The following ZNF773 variants were observed in gnomAD, a reference collection of about 807,000 sequenced individuals.
The protein encoded by ZNF773 is zinc finger protein 773, also known as zinc finger protein 419B.
In ZNF773, 11 loss-of-function variants were observed where a neutral mutation model predicts 12.8. The observed-to-expected ratio is 0.86, with a 90% CI of 0.54 to 1.42. The LOEUF (loss-of-function observed/expected upper bound fraction) is 1.42. Ranked by LOEUF, ZNF773 falls within the 40% of genes most tolerant of loss-of-function variation. ZNF773 has a pLI of 0.00. For synonymous variants in ZNF773, 175 were observed against 178.4 expected, an observed-to-expected ratio of 0.98 and a Z score of 0.15; for missense variants, 518 against 527.2, an observed-to-expected ratio of 0.98 and a Z score of 0.17.
At chr19:57,502,223 T>C (rs2123246989) in intron 1 of ZNF773, among the ~76,000 whole-genome samples, 1 of 152,298 alleles carries the variant, frequency 6.6e-6, no homozygotes, top group South Asian at 2.1e-4. Flanking sequence ...ATTATAGACA[T>C]GAGCCATCAC....
intron 1 of ZNF773, among the ~76,000 whole-genome samples, chr19:57,501,761 A>G (rs2089672964): frequency 6.6e-6 from 1 of 152,138 alleles, no homozygotes; most frequent in Non-Finnish European, 1.5e-5. Flanking sequence ...AGTTAGTTAT[A>G]GACCATGAGA....
chr19:57,513,474 C>A (rs68111079), downstream of ZNF773: 31,744 of 154,178 alleles, frequency 0.21, 3,361 homozygotes, highest in African/African-American at 0.25. Context: ...TCAGAGCAGA[C>A]AAGGCTTAGG....
chr19:57,509,177 A>G (rs1298008219), downstream of ZNF773, among the ~76,000 whole-genome samples: 5 of 152,146 alleles, frequency 3.3e-5, no homozygotes, highest in Admixed American at 2.0e-4. Flanking sequence ...TCCATTTGTT[A>G]TCTTATTCCT....
At position 57,507,061 on chromosome 19, in the gene ZNF773, G is replaced by A; in HGVS notation, c.966G>A (p.Gln322=). The A allele has an allele frequency of 6.2e-7, 1 of 1,613,862 alleles. No individual in the cohort carries two copies. Among genetic ancestry groups the A allele is most frequent in the Non-Finnish European group, 8.5e-7 (1 of 1,179,934 alleles). The change falls in exon 4 of 4, where the codon CAG becomes CAA. Residue 322 remains glutamine (Q), a synonymous_variant. Coordinates refer to ENST00000282292, the MANE Select transcript of ZNF773 (RefSeq NM_198542.3). ...TCAACTCCAGCCTCATGAAACATCA[G>A]AGAGTTCACACTGGAGAAAGACCTT... The part of the protein sequence containing the change: ...FSFNSSLMKH[Q]RVHTGERPYK...
In ZNF773 at chr19:57,507,913, C is replaced by T. The variant is rs1321575216; in HGVS notation, c.*489C>T. ...GCATGAACCTAGGAGGCAGAGTTTG[C>T]GGTGAGCTGAGATCACGCCACTGCA... is the stretch of plus-strand genomic sequence containing the variant. On this transcript the variant is annotated 3_prime_UTR_variant, in exon 4 of 4. Coordinates refer to ENST00000282292, the MANE Select transcript of ZNF773 (RefSeq NM_198542.3). 4 of 181,096 alleles carry T rather than the reference C, an allele frequency of 2.2e-5. No individual in the cohort carries two copies. The highest frequency in any genetic ancestry group is 7.4e-5 in the African/African-American group (3 of 40,402). 11.2% of individuals were successfully genotyped at this position (181,096 alleles called of 1,614,324 possible).
Position 57,507,567 on chromosome 19 carries a change from C to T in ZNF773, c.*143C>T. On this transcript the variant is annotated 3_prime_UTR_variant, in exon 4 of 4. Transcript: ENST00000282292. Reference sequence around the variant, plus strand: ...AACACTGGACAGTTCACAGAGTGGACAATGTAGTGAATATGGTAAAAGGCC... The same window carrying T: ...AACACTGGACAGTTCACAGAGTGGATAATGTAGTGAATATGGTAAAAGGCC... 1.4e-6 allele frequency: 2 copies of T among 1,440,078 alleles called. No homozygotes were observed. The highest frequency in any genetic ancestry group is 3.1e-5 in the South Asian group (2 of 64,596). The allele number at this position is 1,440,078 out of a possible 1,614,324, so 89.2% of individuals were successfully genotyped here. A position where few individuals can be genotyped will look rare whatever the true frequency, so the allele number is the denominator to read the frequency against.
At chr19:57,513,300 G>T, downstream of ZNF773, 1 of 356,154 alleles carries the variant, frequency 2.8e-6, no homozygotes, top group Non-Finnish European at 4.9e-6. Flanking sequence ...TCAAACACTA[G>T]CTAAGCTGCT....
At position 57,501,495 on chromosome 19, in the gene ZNF773, T is replaced by C. The variant is rs537493664; in HGVS notation, c.33+1382T>C. Among the ~76,000 whole-genome samples, 4 of 152,260 alleles carry C rather than the reference T, an allele frequency of 2.6e-5. No individual in the cohort carries two copies. In the South Asian group the frequency reaches 8.3e-4, roughly 32 times the overall value. ...TAGTCCTAGACACATAAGAATGAGT[T>C]TGATACAAACAATAGTCCTATTGAG... On this transcript the variant is annotated intron_variant, in intron 1 of 3. Transcript: ENST00000282292.
At chr19:57,504,236 G>A (rs931202426) in intron 1 of ZNF773, among the ~76,000 whole-genome samples, 3 of 152,148 alleles carry the variant, frequency 2.0e-5, no homozygotes, top group African/African-American at 2.4e-5. Context: ...ATGTGGTGAC[G>A]CTAGGGGAGG....
chr19:57,507,713 C>A lies in ZNF773; in HGVS notation c.*289C>A, dbSNP rs534032686. ...AAACAGCCAGGCGTGGTGGCTGACA[C>A]CTGTTATTCTCACCACTTTGGGAGG... is the stretch of plus-strand genomic sequence containing the variant. On this transcript the variant is annotated 3_prime_UTR_variant, in exon 4 of 4. Coordinates refer to ENST00000282292, the MANE Select transcript of ZNF773 (RefSeq NM_198542.3). 69 of 1,192,660 alleles carry A rather than the reference C, an allele frequency of 5.8e-5. No homozygotes were observed. The East Asian group carries it at 2.6e-3, about 44-fold the overall frequency. The allele number at this position is 1,192,660 out of a possible 1,614,324, so 73.9% of individuals were successfully genotyped here.
At chr19:57,512,960 T>C (rs7254526), downstream of ZNF773, 289,683 of 1,479,832 alleles carry the variant, frequency 0.2, 29,014 homozygotes, top group African/African-American at 0.25. Flanking sequence ...AGGAGCCCTC[T>C]GACCCCTTCT....
chr19:57,501,406 C>G (rs1221637482), intron 1 of ZNF773, among the ~76,000 whole-genome samples: 1 of 151,618 alleles, frequency 6.6e-6, no homozygotes, highest in Non-Finnish European at 1.5e-5. Flanking sequence ...GAAAACCTAC[C>G]AGTTTATTTG....
downstream of ZNF773, among the ~76,000 whole-genome samples, chr19:57,511,526 A>G (rs113304225): frequency 2.6e-5 from 4 of 152,286 alleles, no homozygotes; most frequent in Admixed American, 2.6e-4. Flanking sequence ...TCTTTTCAAC[A>G]AAGTTGCAAA....
At chr19:57,511,540 A>G (rs149303102), downstream of ZNF773, among the ~76,000 whole-genome samples, 798 of 152,336 alleles carry the variant, frequency 5.2e-3, 3 homozygotes, top group Middle Eastern at 6.8e-3. Flanking sequence ...TTGCAAAAGT[A>G]GTAAAACAAC....
rs996288259 is a variant in ZNF773 at position 57,507,098 on chromosome 19, G to A, written c.1003G>A (p.Glu335Lys). ...TGGAGAAAGACCTTATAAGTGCAGT[G>A]AATGTGGAAAATTCTATAGCCACAA... ...HTGERPYKCS[E>K]CGKFYSHKSS... is the part of the protein sequence containing the mutation. The change falls in exon 4 of 4, where the codon GAA (glutamate) becomes AAA (lysine). Residue 335 changes from glutamate to lysine, a missense_variant. Glu to Lys is a moderately conservative substitution (Grantham distance 56, BLOSUM62 1). Transcript: ENST00000282292. 1 of 1,614,024 alleles carries A rather than the reference G, an allele frequency of 6.2e-7. No individual in the cohort carries two copies. Among genetic ancestry groups the A allele is most frequent in the African/African-American group, 1.3e-5 (1 of 74,910 alleles).
intron 3 of ZNF773, 143 bp downstream of exon 3, chr19:57,505,543 A>C: frequency 1.0e-6 from 1 of 966,796 alleles, no homozygotes; most frequent in Non-Finnish European, 1.7e-6. Flanking sequence ...TCAGTCACCC[A>C]TTTATATCTA....
downstream of ZNF773, chr19:57,514,030 C>T (rs1279003724): frequency 6.6e-6 from 1 of 152,262 alleles, no homozygotes; most frequent in Non-Finnish European, 1.5e-5. Context: ...AACAGTCCTA[C>T]ATTATATCAG....
At chr19:57,504,329 C>T (rs2089702590) in intron 1 of ZNF773, among the ~76,000 whole-genome samples, 1 of 152,084 alleles carries the variant, frequency 6.6e-6, no homozygotes. Context: ...TCCCCAGGGA[C>T]CTTGTATTGG....
downstream of ZNF773, chr19:57,508,693 A>G (rs1027844874): frequency 1.9e-5 from 11 of 590,294 alleles, no homozygotes; most frequent in Admixed American, 2.5e-4. Flanking sequence ...GTTTACATGT[A>G]TGGAAGTCAT....
Sources: gnomAD v4.1 joint callset for allele counts (sites outside exome capture counted in the v4.1 genomes callset) on GRCh38, gnomAD v4.1.1 for gene constraint, MANE v1.5 for transcripts, NCBI Gene and HGNC (gene_info 2026-07-23, HGNC 2026-07-21) for gene names.